The following TAF4B variants were observed in gnomAD, a reference collection of about 807,000 sequenced individuals.
The protein encoded by TAF4B is transcription initiation factor TFIID subunit 4B.
A neutral mutation model predicts 86.4 loss-of-function variants in TAF4B; 38 were observed. That is an observed-to-expected ratio of 0.44 (90% CI 0.34 to 0.58). The LOEUF is 0.58. TAF4B is among the 20% of genes least tolerant of loss of function. The pLI is 0.02. For synonymous variants in TAF4B, 388 were observed against 391.2 expected, an observed-to-expected ratio of 0.99 and a Z score of 0.10; for missense variants, 988 against 1,027.6, an observed-to-expected ratio of 0.96 and a Z score of 0.53.
chr18:26,265,030 A>G (rs904973531), intron 1 of TAF4B, 140 bp from the exon 2 acceptor site: 4 of 789,998 alleles, frequency 5.1e-6, no homozygotes, highest in Admixed American at 2.8e-5. Context: ...TCATCTTTGT[A>G]TATAAGTAGC....
At chr18:26,256,443 C>T (rs1365985383) in intron 1 of TAF4B, 1 of 751,270 alleles carries the variant, frequency 1.3e-6, no homozygotes, top group African/African-American at 1.7e-5. Context: ...CCAGGCCAGT[C>T]CCCCTCAAGC....
intron 1 of TAF4B, among the ~76,000 whole-genome samples, chr18:26,229,959 A>G (rs1448174466): frequency 6.7e-6 from 1 of 149,986 alleles, no homozygotes; most frequent in Non-Finnish European, 1.5e-5. Flanking sequence ...CTGGTTTAAA[A>G]AAAAAATATA....
In TAF4B at chr18:26,338,470, A is replaced by ATTTTT. The variant is rs764826705; in HGVS notation, c.2316+3258_2316+3262dup. 5.2e-3 allele frequency among the ~76,000 whole-genome samples: 372 copies of ATTTTT among 71,094 alleles called. 4 individuals are homozygous for ATTTTT. Among genetic ancestry groups the ATTTTT allele is most frequent in the African/African-American group, 7.5e-3 (137 of 18,256 alleles). 46.6% of individuals were successfully genotyped at this position (71,094 alleles called of 152,430 possible). A position where few individuals can be genotyped will look rare whatever the true frequency, so the allele number is the denominator to read the frequency against. On this transcript the variant is annotated intron_variant, in intron 13 of 14. Coordinates refer to ENST00000269142, the MANE Select transcript of TAF4B (RefSeq NM_005640.3). ...TCTGTCTCAGAAAAAAAGAACTAGA[A>ATTTTT]TTTTTTTTTTTTTTTTTTTTTTTGG...
intron 14 of TAF4B, among the ~76,000 whole-genome samples, chr18:26,381,720 C>T (rs922233285): frequency 7.2e-6 from 1 of 139,504 alleles, no homozygotes; most frequent in Non-Finnish European, 1.5e-5. Flanking sequence ...AGCGAAACTC[C>T]GCCTCTAAAT....
intron 7 of TAF4B, among the ~76,000 whole-genome samples, chr18:26,288,253 AT>A (rs1339224250): frequency 6.6e-6 from 1 of 152,234 alleles, no homozygotes; most frequent in East Asian, 1.9e-4. Context: ...AAAGCATGTC[AT>A]TATATGCTAT....
At chr18:26,265,096 G>A (rs2056219715) in intron 1 of TAF4B, 74 bp from the exon 2 acceptor site, 1 of 1,462,844 alleles carries the variant, frequency 6.8e-7, no homozygotes, top group Non-Finnish European at 9.2e-7. Flanking sequence ...GAAAGAAATG[G>A]GAGAAGAAAA....
chr18:26,286,635 T>TTTTTTTTTGAG, intron 7 of TAF4B, 136 bp downstream of exon 7: 1 of 656,998 alleles, frequency 1.5e-6, no homozygotes, highest in Non-Finnish European at 2.4e-6. Context: ...TTTTTTTTTT[T>TTTTTTTTTGAG]ACCTCATTTG....
At chr18:26,318,440 C>T (rs995171781) in intron 10 of TAF4B, among the ~76,000 whole-genome samples, 1 of 151,630 alleles carries the variant, frequency 6.6e-6, no homozygotes, top group Non-Finnish European at 1.5e-5. Flanking sequence ...AAAATTCCTT[C>T]CTTGTAGAAT....
chr18:26,285,222 G>GTTTTTTTTGTTTTTTT lies in TAF4B; in HGVS notation c.973-652_973-651insGTTTTTTTTTTTTTTT, dbSNP rs1555677504. 2.6e-4 allele frequency among the ~76,000 whole-genome samples: 12 copies of GTTTTTTTTGTTTTTTT among 45,666 alleles called. 1 individual carries two copies. Among genetic ancestry groups the GTTTTTTTTGTTTTTTT allele is most frequent in the Admixed American group, 9.3e-4 (3 of 3,232 alleles). 30.0% of individuals were successfully genotyped at this position (45,666 alleles called of 152,430 possible). ...ATTTCTTCCTTTCCTTTTTTTTTTTGTTTTTTTTTTTTTTGGAGATGGGGT... is the reference window on the plus strand; with the variant it reads ...ATTTCTTCCTTTCCTTTTTTTTTTTGTTTTTTTTGTTTTTTTTTTTTTTTTTTTTTGGAGATGGGGT... On this transcript the variant is annotated intron_variant, in intron 6 of 14. Transcript: ENST00000269142.
intron 1 of TAF4B, 110 bp from the exon 2 acceptor site, chr18:26,265,060 T>A: frequency 9.3e-7 from 1 of 1,080,118 alleles, no homozygotes; most frequent in Non-Finnish European, 1.3e-6. Flanking sequence ...ATTCAGTATG[T>A]ATTGAAGACA....
chr18:26,282,713 T>G (rs2056465398), intron 6 of TAF4B, among the ~76,000 whole-genome samples: 2 of 152,242 alleles, frequency 1.3e-5, no homozygotes, highest in South Asian at 4.1e-4. Flanking sequence ...AAAAGACTTC[T>G]CTGTAGCATG....
intron 9 of TAF4B, among the ~76,000 whole-genome samples, chr18:26,311,141 T>C (rs554301539): frequency 1.3e-5 from 2 of 152,260 alleles, no homozygotes; most frequent in South Asian, 2.1e-4. Flanking sequence ...ATAAAATTAG[T>C]TGGAATTTAA....
At chr18:26,281,066 C>T (rs2056442925) in intron 5 of TAF4B, among the ~76,000 whole-genome samples, 1 of 152,150 alleles carries the variant, frequency 6.6e-6, no homozygotes, top group Non-Finnish European at 1.5e-5. Flanking sequence ...TACATGTTCT[C>T]ACTTACAAGT....
intron 5 of TAF4B, among the ~76,000 whole-genome samples, chr18:26,281,659 C>T (rs148013846): frequency 2.6e-4 from 39 of 152,228 alleles, no homozygotes; most frequent in African/African-American, 8.7e-4. Context: ...ATTTAAGACA[C>T]GCGTGCCTTC....
intron 6 of TAF4B, among the ~76,000 whole-genome samples, chr18:26,285,210 C>CTTTTTTTTTTGTTTTTTTTTTTTTTTT (rs2056496547): frequency 4.7e-5 from 2 of 42,516 alleles, no homozygotes; most frequent in African/African-American, 1.6e-4. Context: ...TCTTCCTTTC[C>CTTTTTTTTTTGTTTTTTTTTTTTTTTT]TTTTTTTTTT....
Position 26,312,142 on chromosome 18 carries a change from G to A in TAF4B, c.1833-3087G>A, listed in dbSNP as rs558570896. ...CACAGCACCTTCATCGAAAGACACCGCATCAGACCAGAAGACTTGAAGACT... is the reference window on the plus strand; with the variant it reads ...CACAGCACCTTCATCGAAAGACACCACATCAGACCAGAAGACTTGAAGACT... On this transcript the variant is annotated intron_variant, in intron 9 of 14. Transcript: ENST00000269142. Among the ~76,000 whole-genome samples, 4 of 152,246 alleles carry A rather than the reference G, an allele frequency of 2.6e-5. No homozygotes were observed. The South Asian group carries it at 6.2e-4, about 24-fold the overall frequency.
At chr18:26,242,075 G>C (rs547316335) in intron 1 of TAF4B, among the ~76,000 whole-genome samples, 47 of 152,302 alleles carry the variant, frequency 3.1e-4, no homozygotes, top group African/African-American at 1.1e-3. Context: ...ATTTGGGGTG[G>C]AGAGTTCTGT....
intron 11 of TAF4B, among the ~76,000 whole-genome samples, chr18:26,322,594 T>G (rs970686950): frequency 2.0e-5 from 3 of 152,168 alleles, no homozygotes; most frequent in Admixed American, 2.0e-4. Flanking sequence ...ATGATCCCCC[T>G]TACATTACTG....
At chr18:26,322,145 A>T (rs994227459) in intron 11 of TAF4B, among the ~76,000 whole-genome samples, 4 of 152,164 alleles carry the variant, frequency 2.6e-5, no homozygotes, top group African/African-American at 9.6e-5. Flanking sequence ...GTATGTAGGT[A>T]ACCTTAAGAG....
Sources: allele counts gnomAD v4.1 joint callset (sites outside exome capture counted in the v4.1 genomes callset), GRCh38; gene constraint gnomAD v4.1.1; transcripts MANE v1.5; gene names NCBI Gene and HGNC (gene_info 2026-07-23, HGNC 2026-07-21).